The following E2F3 variants were observed in gnomAD, a reference collection of about 807,000 sequenced individuals.
E2F3 encodes the protein transcription factor E2F3.
Under a neutral mutation model 44.4 loss-of-function variants are expected in E2F3, and 11 were observed. That is an observed-to-expected ratio of 0.25 (90% CI 0.16 to 0.41). The LOEUF (loss-of-function observed/expected upper bound fraction) is 0.41. E2F3 is among the 10% of genes least tolerant of loss of function. The probability of loss-of-function intolerance (pLI) is 1.00; values close to 1 mark genes in which losing one functional copy is unlikely to be tolerated. For missense variants in E2F3, 487 were observed against 583.6 expected (o/e 0.83, Z 1.70); for synonymous variants, 249 against 253.0 (o/e 0.98, Z 0.15).
At position 20,493,330 on chromosome 6, in the gene E2F3, T is replaced by A. The variant is rs1243337204; in HGVS notation, c.*2900T>A. On this transcript the variant is annotated 3_prime_UTR_variant, in exon 7 of 7. Transcript: ENST00000346618. ...CTTTCAGGAAAAAGAAAATAAGAAT[T>A]CAGTGTGTGCATGACAACTCGTGTG... 4 of 225,808 alleles carry A rather than the reference T, an allele frequency of 1.8e-5. No homozygotes were observed. In the Admixed American group the frequency reaches 2.3e-4, roughly 13 times the overall value. The allele number at this position is 225,808 out of a possible 1,614,324, so 14.0% of individuals were successfully genotyped here.
chr6:20,417,034 C>G (rs1364926813), intron 1 of E2F3, among the ~76,000 whole-genome samples: 1 of 152,162 alleles, frequency 6.6e-6, no homozygotes, highest in African/African-American at 2.4e-5. Context: ...CCACTTTTCT[C>G]CAGACTTCTG....
chr6:20,472,933 G>A (rs1037099566), intron 1 of E2F3, among the ~76,000 whole-genome samples: 2 of 152,120 alleles, frequency 1.3e-5, no homozygotes, highest in Non-Finnish European at 2.9e-5. Flanking sequence ...GTTCTGATAA[G>A]GTCTAACTCG....
rs376201315 is a variant in E2F3, at chr6:20,479,840, T to C, written c.394-6T>C. ...GGTGACGAGAGATCGCACTTTCTTA[T>C]TACAGGCAAAGCGAAGGCTGGAGCT... On this transcript the variant is annotated splice_region_variant and splice_polypyrimidine_tract_variant and intron_variant, in intron 1 of 6. Transcript: ENST00000346618. 7 of 1,607,948 alleles carry C rather than the reference T, an allele frequency of 4.4e-6. No homozygotes were observed. In the East Asian group the frequency reaches 1.1e-4, roughly 26 times the overall value.
chr6:20,460,088 G>C (rs577217586), intron 1 of E2F3, among the ~76,000 whole-genome samples: 1 of 152,250 alleles, frequency 6.6e-6, no homozygotes, highest in South Asian at 2.1e-4. Flanking sequence ...GTTATTCTTT[G>C]TCAGTGTTCA....
At chr6:20,430,017 C>T (rs1033034387) in intron 1 of E2F3, among the ~76,000 whole-genome samples, 1 of 151,998 alleles carries the variant, frequency 6.6e-6, no homozygotes, top group African/African-American at 2.4e-5. Context: ...TCTAACTAAT[C>T]ATGCTTTGAG....
At chr6:20,483,735 C>T (rs1762306042) in intron 4 of E2F3, among the ~76,000 whole-genome samples, 1 of 152,112 alleles carries the variant, frequency 6.6e-6, no homozygotes, top group South Asian at 2.1e-4. Context: ...TATTAGAAGA[C>T]AAAAAACAGT....
At chr6:20,473,498 A>G (rs1174625421) in intron 1 of E2F3, among the ~76,000 whole-genome samples, 1 of 152,204 alleles carries the variant, frequency 6.6e-6, no homozygotes, top group East Asian at 1.9e-4. Flanking sequence ...TAAGCACTCA[A>G]ATATTTGTTG....
intron 1 of E2F3, among the ~76,000 whole-genome samples, chr6:20,432,824 CAAGGCAAGA>C: frequency 6.6e-6 from 1 of 152,094 alleles, no homozygotes; most frequent in East Asian, 1.9e-4. Flanking sequence ...GTAGGGAGCA[CAAGGCAAGA>C]AAGGGCTGCA....
Position 20,491,088 on chromosome 6 carries a change from C to T in E2F3, c.*658C>T, listed in dbSNP as rs1034640365. 3.0e-5 allele frequency: 7 copies of T among 230,776 alleles called. No homozygotes were observed. The highest frequency in any genetic ancestry group is 5.2e-5 in the Non-Finnish European group (6 of 116,252). The allele number at this position is 230,776 out of a possible 1,614,324, so 14.3% of individuals were successfully genotyped here. On this transcript the variant is annotated 3_prime_UTR_variant, in exon 7 of 7. Coordinates refer to ENST00000346618, the MANE Select transcript of E2F3 (RefSeq NM_001949.5). Reference sequence around the variant, plus strand: ...TTTTCAAATATACTTGTTGCAGATACAGAAGACTAGTAGAGTTCTGCCACT... The same window carrying T: ...TTTTCAAATATACTTGTTGCAGATATAGAAGACTAGTAGAGTTCTGCCACT...
chr6:20,424,518 GCA>G (rs1760145852), intron 1 of E2F3, among the ~76,000 whole-genome samples: 1 of 151,990 alleles, frequency 6.6e-6, no homozygotes, highest in African/African-American at 2.4e-5. Flanking sequence ...TAAAGAAGCA[GCA>G]CACTGTTTTG....
rs202142457 is a variant in E2F3 at position 20,486,817 on chromosome 6, G to A, written c.999+14G>A. The A allele has an allele frequency of 1.3e-3, 1,959 of 1,527,090 alleles. 5 individuals are homozygous for A. Among genetic ancestry groups the A allele is most frequent in the Non-Finnish European group, 1.4e-3 (1,533 of 1,112,814 alleles). 94.6% of individuals were successfully genotyped at this position (1,527,090 alleles called of 1,614,324 possible). On this transcript the variant is annotated intron_variant, in intron 5 of 6. Transcript: ENST00000346618. ...GACTCAATAGAGGTAAGGAGACAGC[G>A]TCTTTGTTCATCTGCAAAGATCTTT...
intron 1 of E2F3, among the ~76,000 whole-genome samples, chr6:20,469,413 C>T (rs1006196639): frequency 6.6e-6 from 1 of 152,118 alleles, no homozygotes; most frequent in Non-Finnish European, 1.5e-5. Flanking sequence ...AGGTGGTTCC[C>T]CCAGCAAGGT....
chr6:20,426,146 T>G (rs1478454088), intron 1 of E2F3, among the ~76,000 whole-genome samples: 1 of 152,232 alleles, frequency 6.6e-6, no homozygotes, highest in Non-Finnish European at 1.5e-5. Flanking sequence ...AGAATATAAA[T>G]GATTAGCTGC....
At chr6:20,440,689 A>T (rs552626034) in intron 1 of E2F3, among the ~76,000 whole-genome samples, 1 of 152,350 alleles carries the variant, frequency 6.6e-6, no homozygotes, top group South Asian at 2.1e-4. Flanking sequence ...AAAGCTCATT[A>T]AAAAATGACT....
chr6:20,416,670 C>T (rs73731189), intron 1 of E2F3, among the ~76,000 whole-genome samples: 4,113 of 152,190 alleles, frequency 0.027, 88 homozygotes, highest in African/African-American at 0.063. Flanking sequence ...AAGTCCCCAA[C>T]GTCATTCCAA....
Position 20,402,755 on chromosome 6 carries a change from C to T in E2F3, c.393+130C>T. On this transcript the variant is annotated intron_variant, in intron 1 of 6. Coordinates refer to ENST00000346618, the MANE Select transcript of E2F3 (RefSeq NM_001949.5). This position sits in a 1 kb window ranked among gnomAD's most constrained non-coding sequence, Gnocchi z 5.6. ...AGCATCGTGGGCCTCGGGGGCTGCC[C>T]CTCCAACGAGGGTTCATTGTTAGAC... 1.6e-6 allele frequency: 2 copies of T among 1,246,704 alleles called. No homozygotes were observed. The highest frequency in any genetic ancestry group is 3.3e-5 in the East Asian group (1 of 30,688). 77.2% of individuals were successfully genotyped at this position (1,246,704 alleles called of 1,614,324 possible). A position where few individuals can be genotyped will look rare whatever the true frequency, so the allele number is the denominator to read the frequency against.
chr6:20,478,830 C>G (rs369759095), intron 1 of E2F3, among the ~76,000 whole-genome samples: 51 of 152,296 alleles, frequency 3.3e-4, no homozygotes, highest in African/African-American at 1.1e-3. Context: ...AACTGCAAAT[C>G]TCCTCATTAG....
intron 1 of E2F3, among the ~76,000 whole-genome samples, chr6:20,419,516 A>G (rs1759953005): frequency 1.3e-5 from 2 of 151,654 alleles, no homozygotes; most frequent in African/African-American, 2.4e-5. Context: ...TGCTCATGCT[A>G]GATAGTACCT....
chr6:20,434,057 G>A (rs1379429396), intron 1 of E2F3, among the ~76,000 whole-genome samples: 1 of 152,206 alleles, frequency 6.6e-6, no homozygotes, highest in East Asian at 1.9e-4. Flanking sequence ...TATCAGGACT[G>A]TAAGAGGATA....
Sources: gnomAD v4.1 joint callset for allele counts (sites outside exome capture counted in the v4.1 genomes callset) on GRCh38, gnomAD v4.1.1 for gene constraint, Gnocchi (gnomAD v3.1) non-coding constraint, MANE v1.5 for transcripts, NCBI Gene and HGNC (gene_info 2026-07-23, HGNC 2026-07-21) for gene names.